RHBDD1: variants seen among roughly 807,000 people sequenced by gnomAD.
The protein encoded by RHBDD1 is rhomboid-related protein 4.
A neutral mutation model predicts 36.3 loss-of-function variants in RHBDD1; 38 were observed. That is an observed-to-expected ratio of 1.05 (90% CI 0.81 to 1.37). The LOEUF is 1.37. Among genes scored for constraint, RHBDD1 ranks in the 40% most tolerant of loss-of-function variants. The pLI, the probability that RHBDD1 is intolerant of heterozygous loss-of-function variation, is 0.00. For synonymous variants in RHBDD1, 151 were observed against 136.5 expected (o/e 1.11, Z -0.74); for missense variants, 393 against 377.6 (o/e 1.04, Z -0.34).
chr2:226,865,791 C>A (rs1477549817), intron 4 of RHBDD1, among the ~76,000 whole-genome samples: 1 of 152,192 alleles, frequency 6.6e-6, no homozygotes, highest in African/African-American at 2.4e-5. Flanking sequence ...CTGTTTCAGC[C>A]AGCCCCCTTT....
chr2:226,922,156 T>C (rs1949359399), intron 8 of RHBDD1, among the ~76,000 whole-genome samples: 2 of 151,602 alleles, frequency 1.3e-5, no homozygotes, highest in Non-Finnish European at 2.9e-5. Flanking sequence ...TAAGCATAGC[T>C]ACTCCTGTTC....
intron 8 of RHBDD1, among the ~76,000 whole-genome samples, chr2:226,989,372 G>C (rs1957674602): frequency 6.6e-6 from 1 of 152,216 alleles, no homozygotes; most frequent in Non-Finnish European, 1.5e-5. Flanking sequence ...CATGGGTACT[G>C]TTGGGTAACG....
At chr2:226,955,643 G>A (rs1187894623) in intron 8 of RHBDD1, among the ~76,000 whole-genome samples, 1 of 152,242 alleles carries the variant, frequency 6.6e-6, no homozygotes, top group African/African-American at 2.4e-5. Context: ...CTGGAGGTTA[G>A]AAGTCCAGGA....
chr2:226,957,004 G>A lies in RHBDD1; in HGVS notation c.857-38427G>A, dbSNP rs1951829243. On this transcript the variant is annotated intron_variant, in intron 8 of 8. Coordinates refer to ENST00000392062, the MANE Select transcript of RHBDD1 (RefSeq NM_001167608.3). ...AAAAGATAAGAATATTTCTTGATTG[G>A]TGGTCTCAATGAGGTATCTTTGAAG... is the stretch of plus-strand genomic sequence containing the variant. 3.3e-5 allele frequency among the ~76,000 whole-genome samples: 5 copies of A among 152,194 alleles called. No individual in the cohort carries two copies. In the South Asian group the frequency reaches 1.0e-3, roughly 32 times the overall value.
At chr2:226,879,413 G>A (rs943520216) in intron 5 of RHBDD1, among the ~76,000 whole-genome samples, 1 of 152,190 alleles carries the variant, frequency 6.6e-6, no homozygotes, top group African/African-American at 2.4e-5. Context: ...AACAAGTACT[G>A]TTTGTTCACG....
intron 1 of RHBDD1, among the ~76,000 whole-genome samples, chr2:226,836,937 C>G (rs916063801): frequency 2.0e-5 from 3 of 152,174 alleles, no homozygotes; most frequent in Non-Finnish European, 4.4e-5. Flanking sequence ...GCATTGGTTT[C>G]TAAATAATCC....
chr2:226,940,328 C>T (rs1312940021), intron 8 of RHBDD1, among the ~76,000 whole-genome samples: 1 of 152,008 alleles, frequency 6.6e-6, no homozygotes, highest in East Asian at 1.9e-4. Flanking sequence ...CTTCTGCACA[C>T]CAAAAGAAAC....
chr2:226,954,374 C>T (rs1951647782), intron 8 of RHBDD1, among the ~76,000 whole-genome samples: 1 of 152,038 alleles, frequency 6.6e-6, no homozygotes, highest in Non-Finnish European at 1.5e-5. Flanking sequence ...AGAGAATGTG[C>T]TTATGGATTT....
chr2:226,817,111 T>C, the RHBDD1 span, among the ~76,000 whole-genome samples: 1 of 152,230 alleles, frequency 6.6e-6, no homozygotes, highest in South Asian at 2.1e-4. Flanking sequence ...ACCACCTTCA[T>C]TATACTATTT....
At chr2:226,845,019 AT>A (rs964279010) in intron 3 of RHBDD1, among the ~76,000 whole-genome samples, 97 of 150,250 alleles carry the variant, frequency 6.5e-4, no homozygotes, top group African/African-American at 1.9e-3. Context: ...TGATGCTGAC[AT>A]TTTTTTTTTC....
At chr2:226,943,306 C>T (rs1950780829) in intron 8 of RHBDD1, among the ~76,000 whole-genome samples, 1 of 152,166 alleles carries the variant, frequency 6.6e-6, no homozygotes, top group Admixed American at 6.5e-5. Context: ...ATTAAAATTA[C>T]ACTCTAATTA....
At chr2:226,968,628 A>G (rs1952862349) in intron 8 of RHBDD1, among the ~76,000 whole-genome samples, 1 of 152,222 alleles carries the variant, frequency 6.6e-6, no homozygotes. Context: ...AGAGCATCGC[A>G]CTTGGAGATT....
chr2:226,859,221 A>G (rs1943611320), intron 3 of RHBDD1, among the ~76,000 whole-genome samples: 1 of 152,232 alleles, frequency 6.6e-6, no homozygotes, highest in Admixed American at 6.5e-5. Context: ...CCATGGATTC[A>G]GCCAACTACA....
intron 8 of RHBDD1, among the ~76,000 whole-genome samples, chr2:226,932,643 T>C (rs910944079): frequency 2.0e-5 from 3 of 152,052 alleles, no homozygotes; most frequent in Non-Finnish European, 4.4e-5. Context: ...GGTAGTATAG[T>C]GCAATTACTT....
intron 8 of RHBDD1, among the ~76,000 whole-genome samples, chr2:226,962,414 A>G (rs1435083194): frequency 2.0e-5 from 3 of 152,244 alleles, no homozygotes; most frequent in African/African-American, 2.4e-5. Context: ...TGACAGTTCT[A>G]ATTAATACAA....
intron 8 of RHBDD1, among the ~76,000 whole-genome samples, chr2:226,951,598 T>C (rs1575219710): frequency 6.6e-6 from 1 of 152,216 alleles, no homozygotes; most frequent in Admixed American, 6.5e-5. Context: ...GGGTCTTCAG[T>C]AGATATCGGG....
chr2:226,993,177 A>G (rs1958645613), intron 8 of RHBDD1, among the ~76,000 whole-genome samples: 2 of 152,142 alleles, frequency 1.3e-5, no homozygotes, highest in African/African-American at 4.8e-5. Context: ...AGTTCCCTTC[A>G]TGGAAATTAT....
At chr2:226,941,527 A>G (rs1575178307) in intron 8 of RHBDD1, among the ~76,000 whole-genome samples, 2 of 152,320 alleles carry the variant, frequency 1.3e-5, no homozygotes, top group South Asian at 4.1e-4. Flanking sequence ...TTGTTTTGCT[A>G]TGGGAATTGA....
At chr2:226,918,376 T>C (rs777691519) in intron 8 of RHBDD1, among the ~76,000 whole-genome samples, 1 of 152,046 alleles carries the variant, frequency 6.6e-6, no homozygotes, top group Non-Finnish European at 1.5e-5. Context: ...AAAAAAATTG[T>C]TGACTCTCAT....
Sources: allele counts gnomAD v4.1 joint callset (sites outside exome capture counted in the v4.1 genomes callset), GRCh38; gene constraint gnomAD v4.1.1; transcripts MANE v1.5; gene names NCBI Gene and HGNC (gene_info 2026-07-23, HGNC 2026-07-21).